The following SRD5A2 variants were observed in gnomAD, a reference collection of about 807,000 sequenced individuals.
SRD5A2 encodes the protein steroid 5 alpha-reductase 2.
In SRD5A2, 30 loss-of-function variants were observed where a neutral mutation model predicts 27.4. The ratio of observed to expected loss-of-function variants is 1.10; its 90% CI spans 0.82 to 1.49. The LOEUF (loss-of-function observed/expected upper bound fraction) is 1.49, where lower values mean the gene tolerates loss of function less well. Among genes scored for constraint, SRD5A2 ranks in the 40% most tolerant of loss-of-function variants. The pLI is 0.00. For synonymous variants in SRD5A2, 141 were observed against 133.6 expected (o/e 1.06, Z -0.38); for missense variants, 348 against 323.4 (o/e 1.08, Z -0.58).
At chr2:31,582,077 A>T (rs551069966), upstream of SRD5A2, among the ~76,000 whole-genome samples, 1 of 151,036 alleles carries the variant, frequency 6.6e-6, no homozygotes, top group African/African-American at 2.4e-5. Flanking sequence ...TGTTTACCTC[A>T]TTCTTTCATC....
intron 1 of SRD5A2, chr2:31,563,441 G>T (rs1423900157): frequency 5.3e-5 from 8 of 152,028 alleles, no homozygotes; most frequent in Admixed American, 5.2e-4. Flanking sequence ...ATTAGGCAAT[G>T]AAAAACAGTG....
chr2:31,583,752 A>G (rs1458462066), upstream of SRD5A2, among the ~76,000 whole-genome samples: 1 of 151,764 alleles, frequency 6.6e-6, no homozygotes, highest in African/African-American at 2.4e-5. Flanking sequence ...ATCATACAGT[A>G]CTTACTCTTT....
chr2:31,529,275 G>A lies in SRD5A2; in HGVS notation c.698+32C>T, dbSNP rs28383065. On this transcript the variant is annotated intron_variant, in intron 4 of 4. Transcript: ENST00000622030. ...CCTGTTTGGAGAAGAAGAAAGCTAC[G>A]TGAATGCTGCCGCTTTTATTGAAAA... The A allele has an allele frequency of 5.2e-4, 831 of 1,612,786 alleles. 10 individuals are homozygous for A. The East Asian group carries it at 0.013, about 26-fold the overall frequency.
chr2:31,541,778 G>A lies in SRD5A2; in HGVS notation c.282-8012C>T, dbSNP rs143906828. On this transcript the variant is annotated intron_variant, in intron 1 of 4. Transcript: ENST00000622030. ...GAGACAATCTGTAAACCTGGGAAAT[G>A]GACAGTACAGTGATTGTGGGGCTCT... is the stretch of plus-strand genomic sequence containing the variant. Among the ~76,000 whole-genome samples the A allele has an allele frequency of 1.1e-4, 16 of 152,292 alleles. No individual in the cohort carries two copies. In the East Asian group the frequency reaches 2.9e-3, roughly 28 times the overall value.
At chr2:31,603,562 TA>T in the SRD5A2 span, among the ~76,000 whole-genome samples, 1 of 151,948 alleles carries the variant, frequency 6.6e-6, no homozygotes, top group South Asian at 2.1e-4. Context: ...CAAAAGAATA[TA>T]AATCATTCTT....
chr2:31,572,287 C>A (rs568204512), intron 1 of SRD5A2, among the ~76,000 whole-genome samples: 145 of 152,192 alleles, frequency 9.5e-4, no homozygotes, highest in African/African-American at 3.2e-3. Context: ...AGAACAACAG[C>A]ACTGGGGTCT....
In SRD5A2 at chr2:31,580,791, G is replaced by C; in HGVS notation, c.110C>G (p.Thr37Arg). 1 of 1,612,136 alleles carries C rather than the reference G, an allele frequency of 6.2e-7. No individual in the cohort carries two copies. The highest frequency in any genetic ancestry group is 8.5e-7 in the Non-Finnish European group (1 of 1,179,676). Residue 37 changes from threonine (T) to arginine (R), a missense_variant, in exon 1 of 5, where the codon ACG becomes AGG. Transcript: ENST00000622030. ...VAKPSGYGKHTESLKPAATRL... is the reference protein window; with the variant it reads ...VAKPSGYGKHRESLKPAATRL... ...GGTAGCCGCCGGCTTCAGGCTCTCC[G>C]TGTGCTTCCCGTAGCCGGAGGGCTT...
chr2:31,622,238 G>A, the SRD5A2 span, among the ~76,000 whole-genome samples: 1 of 152,088 alleles, frequency 6.6e-6, no homozygotes. Context: ...TTCTGCTTCT[G>A]TGTTAGTTTG....
At chr2:31,639,302 G>A in the SRD5A2 span, among the ~76,000 whole-genome samples, 3 of 151,916 alleles carry the variant, frequency 2.0e-5, no homozygotes, top group African/African-American at 4.8e-5. Flanking sequence ...TCTCTTAACC[G>A]GTTGCTGTAG....
At chr2:31,562,916 T>A (rs1666656153) in intron 1 of SRD5A2, among the ~76,000 whole-genome samples, 1 of 152,158 alleles carries the variant, frequency 6.6e-6, no homozygotes, top group African/African-American at 2.4e-5. Flanking sequence ...ATCTCCCTCC[T>A]ACATCTACCT....
At chr2:31,547,277 C>T (rs1178640203) in intron 1 of SRD5A2, among the ~76,000 whole-genome samples, 10 of 152,146 alleles carry the variant, frequency 6.6e-5, no homozygotes, top group Admixed American at 6.5e-4. Context: ...GGATACCCAG[C>T]AGCTGATAAA....
intron 4 of SRD5A2, among the ~76,000 whole-genome samples, chr2:31,528,555 G>A (rs1665830454): frequency 6.6e-6 from 1 of 152,120 alleles, no homozygotes; most frequent in African/African-American, 2.4e-5. Flanking sequence ...ATCACTTGAG[G>A]TCAGGAGTTC....
At chr2:31,532,970 C>G (rs1178520227) in intron 2 of SRD5A2, among the ~76,000 whole-genome samples, 2 of 152,104 alleles carry the variant, frequency 1.3e-5, no homozygotes, top group African/African-American at 2.4e-5. Flanking sequence ...CCAGGCTTGT[C>G]CAACCCACAG....
At chr2:31,604,043 G>C in the SRD5A2 span, among the ~76,000 whole-genome samples, 2 of 151,674 alleles carry the variant, frequency 1.3e-5, no homozygotes, top group Non-Finnish European at 2.9e-5. Flanking sequence ...ATATATCCCT[G>C]AACTTAAAAT....
At chr2:31,583,545 C>T (rs1394916384), upstream of SRD5A2, among the ~76,000 whole-genome samples, 6 of 147,364 alleles carry the variant, frequency 4.1e-5, no homozygotes, top group African/African-American at 1.5e-4. Context: ...GCAAGCTGCA[C>T]CTAGGTCAAG....
chr2:31,627,592 G>T, the SRD5A2 span, among the ~76,000 whole-genome samples: 1 of 152,006 alleles, frequency 6.6e-6, no homozygotes, highest in African/African-American at 2.4e-5. Context: ...CTAAAGTTTT[G>T]ATGTGGATAC....
the SRD5A2 span, among the ~76,000 whole-genome samples, chr2:31,644,363 C>G: frequency 6.6e-6 from 1 of 152,250 alleles, no homozygotes; most frequent in African/African-American, 2.4e-5. Context: ...TGAGCCAGGA[C>G]AGATGGAGGA....
At chr2:31,600,981 C>T in the SRD5A2 span, among the ~76,000 whole-genome samples, 2 of 151,550 alleles carry the variant, frequency 1.3e-5, no homozygotes, top group African/African-American at 2.4e-5. Flanking sequence ...GCTAAAAAGG[C>T]ATTTGATAAA....
chr2:31,537,927 C>A (rs887573107), intron 1 of SRD5A2, among the ~76,000 whole-genome samples: 2 of 152,140 alleles, frequency 1.3e-5, no homozygotes, highest in African/African-American at 2.4e-5. Context: ...AAGAAGGAGT[C>A]CATCAGATGC....
Sources: gnomAD v4.1 joint callset for allele counts (sites outside exome capture counted in the v4.1 genomes callset) on GRCh38, gnomAD v4.1.1 for gene constraint, MANE v1.5 for transcripts, NCBI Gene and HGNC (gene_info 2026-07-23, HGNC 2026-07-21) for gene names.